The following TMEM120B variants were observed in gnomAD, a reference collection of about 807,000 sequenced individuals.
The protein encoded by TMEM120B is transmembrane protein 120B.
In TMEM120B, 31 loss-of-function variants were observed where a neutral mutation model predicts 55.5. That is an observed-to-expected ratio of 0.56 (90% CI 0.42 to 0.75). The LOEUF (loss-of-function observed/expected upper bound fraction) is 0.75, where lower values mean the gene tolerates loss of function less well. Among genes scored for constraint, TMEM120B ranks in the 30% least tolerant of loss-of-function variants. The pLI is 0.00. For synonymous variants in TMEM120B, 203 were observed against 176.3 expected, an observed-to-expected ratio of 1.15 and a Z score of -1.20; for missense variants, 399 against 425.5, an observed-to-expected ratio of 0.94 and a Z score of 0.55.
chr12:121,725,673 A>G (rs570046640), intron 1 of TMEM120B, among the ~76,000 whole-genome samples: 3 of 152,292 alleles, frequency 2.0e-5, no homozygotes, highest in South Asian at 2.1e-4. Context: ...ACATGATGCT[A>G]AGTCAAAAAA....
intron 1 of TMEM120B, among the ~76,000 whole-genome samples, chr12:121,723,407 A>C (rs1322673222): frequency 6.6e-6 from 1 of 152,098 alleles, no homozygotes. Flanking sequence ...TAATGGCTGG[A>C]GCTGGCCACA....
intron 1 of TMEM120B, among the ~76,000 whole-genome samples, chr12:121,736,079 TGA>T (rs1380345039): frequency 6.6e-6 from 1 of 152,142 alleles, no homozygotes; most frequent in African/African-American, 2.4e-5. Flanking sequence ...TGCAGGGTGG[TGA>T]GTTACTAGAT....
At chr12:121,766,715 G>A (rs1329362970) in intron 6 of TMEM120B, among the ~76,000 whole-genome samples, 1 of 152,242 alleles carries the variant, frequency 6.6e-6, no homozygotes, top group Non-Finnish European at 1.5e-5. Context: ...GTGTGGGGGT[G>A]AGGTGGTTCC....
At chr12:121,769,823 C>T (rs1287907538) in intron 6 of TMEM120B, among the ~76,000 whole-genome samples, 1 of 151,914 alleles carries the variant, frequency 6.6e-6, no homozygotes, top group Non-Finnish European at 1.5e-5. Flanking sequence ...GAGACAAGAC[C>T]CCTGCTCAAT....
At chr12:121,753,393 A>G (rs1477246812) in intron 5 of TMEM120B, among the ~76,000 whole-genome samples, 1 of 152,082 alleles carries the variant, frequency 6.6e-6, no homozygotes, top group Non-Finnish European at 1.5e-5. Flanking sequence ...CAACATGGTC[A>G]AACCCTGTCT....
At chr12:121,724,478 G>C (rs889190457) in intron 1 of TMEM120B, among the ~76,000 whole-genome samples, 6 of 149,222 alleles carry the variant, frequency 4.0e-5, no homozygotes, top group Admixed American at 2.0e-4. Flanking sequence ...GCACCTGGCT[G>C]TACTATTTCT....
intron 8 of TMEM120B, among the ~76,000 whole-genome samples, chr12:121,772,048 T>C (rs146198011): frequency 8.5e-5 from 11 of 129,324 alleles, no homozygotes; most frequent in East Asian, 2.6e-4. Flanking sequence ...TCTCTTTCTT[T>C]CTTTCTTTTT....
At chr12:121,759,172 C>T (rs1430015882) in intron 5 of TMEM120B, among the ~76,000 whole-genome samples, 2 of 150,884 alleles carry the variant, frequency 1.3e-5, no homozygotes, top group East Asian at 4.0e-4. Flanking sequence ...CTCGGCCTCC[C>T]AAAGTGCTGG....
chr12:121,764,835 G>T (rs1873796383), intron 6 of TMEM120B, among the ~76,000 whole-genome samples: 1 of 152,128 alleles, frequency 6.6e-6, no homozygotes, highest in African/African-American at 2.4e-5. Flanking sequence ...AAACAGAGAG[G>T]GCTGCTAACA....
rs1874329886 is a variant in TMEM120B, at chr12:121,778,682, G to A, written c.*2960G>A. On this transcript the variant is annotated 3_prime_UTR_variant, in exon 12 of 12. Transcript: ENST00000449592. ...GCGGGGCTTGAGGGACAGCAGGTTG[G>A]GAGCTTGAGGACTAAGTGGGCCAGT... 1 of 152,170 alleles carries A rather than the reference G, an allele frequency of 6.6e-6. No individual in the cohort carries two copies. The highest frequency in any genetic ancestry group is 2.1e-4 in the South Asian group (1 of 4,832). The allele number at this position is 152,170 out of a possible 1,614,324, so 9.4% of individuals were successfully genotyped here. A position where few individuals can be genotyped will look rare whatever the true frequency, so the allele number is the denominator to read the frequency against.
chr12:121,722,755 C>G (rs943594393), intron 1 of TMEM120B, among the ~76,000 whole-genome samples: 1 of 151,926 alleles, frequency 6.6e-6, no homozygotes, highest in African/African-American at 2.4e-5. Flanking sequence ...GAAATTCAGA[C>G]AGGGCCCAAG....
intron 5 of TMEM120B, chr12:121,758,327 C>A (rs1386528971): frequency 3.0e-6 from 3 of 985,404 alleles, no homozygotes; most frequent in Non-Finnish European, 3.6e-6. Context: ...GCCCTCCATG[C>A]TGACCAGGTA....
intron 1 of TMEM120B, among the ~76,000 whole-genome samples, chr12:121,738,983 TC>T (rs34301810): frequency 0.18 from 26,747 of 152,000 alleles, 2,693 homozygotes; most frequent in African/African-American, 0.27. Context: ...GGTCAGGAGT[TC>T]CAGACCAGCC....
chr12:121,751,113 A>C (rs1373995760), intron 4 of TMEM120B, among the ~76,000 whole-genome samples: 17 of 67,676 alleles, frequency 2.5e-4, no homozygotes, highest in East Asian at 4.8e-4. Flanking sequence ...CACACCCCAA[A>C]CCCAAACCCA....
In TMEM120B at chr12:121,775,201, G is replaced by A; in HGVS notation, c.906+71G>A. The stretch of plus-strand genomic sequence containing the variant: ...GGGGTGGCAGGGATGGGGTGTATGT[G>A]TGGCATGCTGGGGTGCGGATTCCTG... On this transcript the variant is annotated intron_variant, in intron 11 of 11. Coordinates refer to ENST00000449592, the MANE Select transcript of TMEM120B (RefSeq NM_001080825.2). This position sits in a 1 kb window ranked among gnomAD's most constrained non-coding sequence, Gnocchi z 4.3. The A allele has an allele frequency of 7.1e-7, 1 of 1,418,164 alleles. No individual in the cohort carries two copies. 87.8% of individuals were successfully genotyped at this position (1,418,164 alleles called of 1,614,324 possible).
At chr12:121,772,551 A>G (rs1279849306) in intron 8 of TMEM120B, among the ~76,000 whole-genome samples, 1 of 151,740 alleles carries the variant, frequency 6.6e-6, no homozygotes, top group Non-Finnish European at 1.5e-5. Flanking sequence ...TCTCCTGCCA[A>G]GTAGCTGGGA....
chr12:121,728,218 G>C (rs1461322646), intron 1 of TMEM120B, among the ~76,000 whole-genome samples: 1 of 151,712 alleles, frequency 6.6e-6, no homozygotes, highest in Non-Finnish European at 1.5e-5. Flanking sequence ...GGCCGGGCAC[G>C]GTGGCTCACG....
chr12:121,758,059 C>T (rs1166211139), intron 5 of TMEM120B: 2 of 569,522 alleles, frequency 3.5e-6, no homozygotes, highest in Non-Finnish European at 4.4e-6. Flanking sequence ...ATTAAGGCTA[C>T]AGTGGGCCAT....
chr12:121,737,986 G>A (rs1429194400), intron 1 of TMEM120B, among the ~76,000 whole-genome samples: 1 of 149,482 alleles, frequency 6.7e-6, no homozygotes, highest in Non-Finnish European at 1.5e-5. Flanking sequence ...CTCTAGCCTG[G>A]GTGATAGAGT....
Sources: gnomAD v4.1 joint callset for allele counts (sites outside exome capture counted in the v4.1 genomes callset) on GRCh38, gnomAD v4.1.1 for gene constraint, Gnocchi (gnomAD v3.1) non-coding constraint, MANE v1.5 for transcripts, NCBI Gene and HGNC (gene_info 2026-07-23, HGNC 2026-07-21) for gene names.